RYR2: variants seen among roughly 807,000 people sequenced by gnomAD.
RYR2 encodes cardiac muscle ryanodine receptor-calcium release channel.
Under a neutral mutation model 601.1 loss-of-function variants are expected in RYR2, and 227 were observed. The observed-to-expected ratio is 0.38, with a 90% CI of 0.34 to 0.42. The LOEUF (loss-of-function observed/expected upper bound fraction) is 0.42, where lower values mean the gene tolerates loss of function less well. Ranked by LOEUF, RYR2 falls within the 10% of genes least tolerant of loss-of-function variation. The pLI is 1.00. For missense variants in RYR2, 4,646 were observed against 6,156.5 expected, an observed-to-expected ratio of 0.75 and a Z score of 8.21; for synonymous variants, 2,223 against 2,175.1, an observed-to-expected ratio of 1.02 and a Z score of -0.61.
chr1:237,809,063 AAAC>A, intron 100 of RYR2, 28 bp downstream of exon 100: 1 of 1,599,228 alleles, frequency 6.3e-7, no homozygotes, highest in Non-Finnish European at 8.6e-7. Context: ...GATCTCACAT[AAAC>A]AAAAATGTCT....
At chr1:237,155,810 AAAAAT>A (rs754495064) in intron 1 of RYR2, among the ~76,000 whole-genome samples, 96 of 152,198 alleles carry the variant, frequency 6.3e-4, no homozygotes, top group Non-Finnish European at 7.1e-4. Flanking sequence ...TAGAAGGCAT[AAAAAT>A]TTACCATCAC....
At chr1:237,407,803 A>G (rs1427606287) in intron 10 of RYR2, among the ~76,000 whole-genome samples, 1 of 151,572 alleles carries the variant, frequency 6.6e-6, no homozygotes, top group Non-Finnish European at 1.5e-5. Context: ...TTTTTAGTAG[A>G]GATGGGGTTT....
At chr1:237,252,608 T>C (rs1687570534) in intron 1 of RYR2, among the ~76,000 whole-genome samples, 1 of 152,236 alleles carries the variant, frequency 6.6e-6, no homozygotes, top group South Asian at 2.1e-4. Context: ...TGAATTTAAT[T>C]TTTACAAAAA....
chr1:237,147,700 C>G (rs967041221), intron 1 of RYR2, among the ~76,000 whole-genome samples: 2 of 152,224 alleles, frequency 1.3e-5, no homozygotes, highest in African/African-American at 4.8e-5. Flanking sequence ...TTTGTACATT[C>G]TCCTCATGGT....
At chr1:237,299,682 T>A (rs974549647) in intron 2 of RYR2, among the ~76,000 whole-genome samples, 9 of 152,166 alleles carry the variant, frequency 5.9e-5, no homozygotes, top group Admixed American at 4.6e-4. Flanking sequence ...TACTTTGACA[T>A]GTTCTGCTAA....
At chr1:237,105,748 C>T (rs1056081366) in intron 1 of RYR2, among the ~76,000 whole-genome samples, 7 of 148,926 alleles carry the variant, frequency 4.7e-5, no homozygotes, top group Admixed American at 4.1e-4. Context: ...GCACAAGAAT[C>T]GCTTGAACCC....
At chr1:237,411,833 G>A (rs6673700) in intron 10 of RYR2, among the ~76,000 whole-genome samples, 22,803 of 152,094 alleles carry the variant, frequency 0.15, 2,420 homozygotes, top group African/African-American at 0.31. Context: ...GAGTAACTGT[G>A]ATGTCATTGG....
chr1:237,436,600 G>GC (rs976640866), intron 12 of RYR2, among the ~76,000 whole-genome samples: 3 of 150,636 alleles, frequency 2.0e-5, no homozygotes, highest in African/African-American at 7.3e-5. Flanking sequence ...GGGCTGCAGT[G>GC]CGGCACCATA....
intron 1 of RYR2, among the ~76,000 whole-genome samples, chr1:237,068,027 C>T (rs1428372457): frequency 2.1e-5 from 3 of 145,360 alleles, no homozygotes. Context: ...TTATCCAGAA[C>T]TTTGATTTTT....
At chr1:237,672,786 T>C (rs943411126) in intron 58 of RYR2, among the ~76,000 whole-genome samples, 84 of 152,320 alleles carry the variant, frequency 5.5e-4, no homozygotes, top group Middle Eastern at 3.4e-3. Flanking sequence ...TTGTTATTAT[T>C]GTCTTCTGAC....
At chr1:237,228,700 C>T (rs1039873064) in intron 1 of RYR2, among the ~76,000 whole-genome samples, 5 of 152,024 alleles carry the variant, frequency 3.3e-5, no homozygotes, top group African/African-American at 4.8e-5. Flanking sequence ...CTTGAGCAAG[C>T]GATTTAACCT....
rs761641746 is a variant in RYR2 at position 237,503,514 on chromosome 1, A to T, written c.2613+9A>T. 1.2e-6 allele frequency: 2 copies of T among 1,612,482 alleles called. No homozygotes were observed. The highest frequency in any genetic ancestry group is 1.7e-4 in the Middle Eastern group (1 of 6,006). ...CTGTGGATACCAGCCAGGTACCAAG[A>T]TCCACTCGAATGGCAATCACTGGTA... On this transcript the variant is annotated intron_variant, in intron 22 of 104. Transcript: ENST00000366574.
chr1:237,749,084 C>A (rs1692327795), intron 80 of RYR2, among the ~76,000 whole-genome samples: 1 of 152,162 alleles, frequency 6.6e-6, no homozygotes, highest in South Asian at 2.1e-4. Context: ...TACTAGGAGA[C>A]AAACATGTAT....
intron 29 of RYR2, among the ~76,000 whole-genome samples, chr1:237,580,032 C>T (rs1049904773): frequency 1.3e-5 from 2 of 152,012 alleles, no homozygotes; most frequent in South Asian, 2.1e-4. Flanking sequence ...TGATGTGAAG[C>T]GTGTGCTTGT....
intron 1 of RYR2, among the ~76,000 whole-genome samples, chr1:237,057,759 A>G (rs1039016937): frequency 6.6e-6 from 1 of 152,122 alleles, no homozygotes; most frequent in Non-Finnish European, 1.5e-5. Flanking sequence ...GCAAGTTCCT[A>G]AGTACAAGAT....
intron 35 of RYR2, among the ~76,000 whole-genome samples, chr1:237,605,294 G>T (rs1314820450): frequency 6.6e-6 from 1 of 152,114 alleles, no homozygotes; most frequent in East Asian, 1.9e-4. Flanking sequence ...ACGTAATCCA[G>T]CATATAAACA....
intron 1 of RYR2, among the ~76,000 whole-genome samples, chr1:237,151,750 T>A (rs756437786): frequency 6.6e-6 from 1 of 152,188 alleles, no homozygotes; most frequent in Non-Finnish European, 1.5e-5. Flanking sequence ...ATCAACACCC[T>A]TTAGGAAATG....
At chr1:237,090,332 ATTAAG>A (rs1434497225) in intron 1 of RYR2, among the ~76,000 whole-genome samples, 1 of 152,202 alleles carries the variant, frequency 6.6e-6, no homozygotes, top group Non-Finnish European at 1.5e-5. Context: ...TGCAGATGTC[ATTAAG>A]TTAAGGATCT....
intron 17 of RYR2, among the ~76,000 whole-genome samples, chr1:237,473,660 C>T (rs181973807): frequency 3.0e-4 from 46 of 152,136 alleles, no homozygotes; most frequent in African/African-American, 1.1e-3. Context: ...GGGCAGTCAA[C>T]AGCACTTGAG....
Sources: gnomAD v4.1 joint callset for allele counts (sites outside exome capture counted in the v4.1 genomes callset) on GRCh38, gnomAD v4.1.1 for gene constraint, MANE v1.5 for transcripts, NCBI Gene and HGNC (gene_info 2026-07-23, HGNC 2026-07-21) for gene names.